Variants in PLCG2 observed in about 807,000 individuals in gnomAD.
PLCG2 encodes 1-phosphatidylinositol 4,5-bisphosphate phosphodiesterase gamma-2.
In PLCG2, 69 loss-of-function variants were observed where a neutral mutation model predicts 175.6. That is an observed-to-expected ratio of 0.39 (90% CI 0.32 to 0.48). PLCG2 has a LOEUF of 0.48. Among genes scored for constraint, PLCG2 ranks in the 20% least tolerant of loss-of-function variants. The probability of loss-of-function intolerance (pLI) is 0.91; values close to 1 mark genes in which losing one functional copy is unlikely to be tolerated. For missense variants in PLCG2, 1,798 were observed against 1,650.9 expected, an observed-to-expected ratio of 1.09 and a Z score of -1.54; for synonymous variants, 827 against 624.0, an observed-to-expected ratio of 1.33 and a Z score of -4.85.
chr16:81,866,281 G>A (rs1402171083), intron 5 of PLCG2, among the ~76,000 whole-genome samples: 1 of 134,096 alleles, frequency 7.5e-6, no homozygotes, highest in Non-Finnish European at 1.6e-5. Context: ...ATGAGAGGAT[G>A]CTAGCCTCTC....
upstream of PLCG2, among the ~76,000 whole-genome samples, chr16:81,776,985 C>G (rs566041070): frequency 2.0e-5 from 3 of 151,522 alleles, no homozygotes; most frequent in African/African-American, 7.3e-5. Context: ...GGTTGGTTAG[C>G]AAAAAATGAG....
intron 1 of PLCG2, among the ~76,000 whole-genome samples, chr16:81,752,536 G>A (rs1909833773): frequency 6.6e-6 from 1 of 152,194 alleles, no homozygotes; most frequent in Non-Finnish European, 1.5e-5. Context: ...CCCCTCGGCT[G>A]AGGGCAGGAG....
chr16:81,779,532 G>A (rs1597313359), intron 1 of PLCG2, 108 bp downstream of exon 1: 1 of 151,954 alleles, frequency 6.6e-6, no homozygotes, highest in East Asian at 1.9e-4. Flanking sequence ...TCCTGGCTCA[G>A]CCGGAGCGGG....
At chr16:81,904,799 G>T (rs1179127574) in intron 14 of PLCG2, among the ~76,000 whole-genome samples, 1 of 152,206 alleles carries the variant, frequency 6.6e-6, no homozygotes, top group Non-Finnish European at 1.5e-5. Context: ...ACAAACACAT[G>T]GTGTGTGTAG....
chr16:81,922,602 A>G (rs1910103974), intron 21 of PLCG2, among the ~76,000 whole-genome samples: 1 of 152,202 alleles, frequency 6.6e-6, no homozygotes, highest in Non-Finnish European at 1.5e-5. Context: ...TCAAACTTAT[A>G]TCATTATTCA....
intron 2 of PLCG2, among the ~76,000 whole-genome samples, chr16:81,764,988 C>G (rs779362237): frequency 3.6e-4 from 40 of 109,994 alleles, no homozygotes; most frequent in Admixed American, 7.2e-4. Flanking sequence ...ACTCGGGAGG[C>G]TGAGGTGGGA....
At chr16:81,838,287 A>G (rs919814750) in intron 2 of PLCG2, among the ~76,000 whole-genome samples, 17 of 152,186 alleles carry the variant, frequency 1.1e-4, no homozygotes, top group Non-Finnish European at 2.2e-4. Context: ...GGGTTTCACC[A>G]TGTTTCCCAG....
chr16:81,833,012 TGAG>T (rs538265497), intron 2 of PLCG2, among the ~76,000 whole-genome samples: 513 of 152,268 alleles, frequency 3.4e-3, no homozygotes, highest in Admixed American at 6.6e-3. Context: ...TGAGATGTGA[TGAG>T]GACCTGGAAA....
chr16:81,939,908 C>T lies in PLCG2; in HGVS notation c.3330C>T (p.Ser1110=). The change falls in exon 30 of 33, where the codon AGC becomes AGT. Residue 1110 remains serine, a synonymous_variant. Transcript: ENST00000564138. ...TCCTTCCAGATGATAATGGCCTCAGCCCTATCTGGGCTCCAACACAGGAGA... is the reference window on the plus strand; with the variant it reads ...TCCTTCCAGATGATAATGGCCTCAGTCCTATCTGGGCTCCAACACAGGAGA... ...KTTVVNDNGL[S]PIWAPTQEKV... The T allele has an allele frequency of 6.2e-7, 1 of 1,613,390 alleles. No homozygotes were observed. The highest frequency in any genetic ancestry group is 8.5e-7 in the Non-Finnish European group (1 of 1,179,328).
intron 2 of PLCG2, among the ~76,000 whole-genome samples, chr16:81,848,852 G>A (rs1055389442): frequency 5.3e-5 from 8 of 152,182 alleles, no homozygotes; most frequent in African/African-American, 1.9e-4. Context: ...ATTTGCCTCT[G>A]TTGAGTGCTG....
chr16:81,747,079 A>G (rs1050945113), intron 1 of PLCG2, among the ~76,000 whole-genome samples: 1 of 152,190 alleles, frequency 6.6e-6, no homozygotes, highest in Non-Finnish European at 1.5e-5. Flanking sequence ...AGCATTCTCA[A>G]ACAGTACTAG....
chr16:81,767,019 T>A (rs996907727), intron 2 of PLCG2: 2 of 152,186 alleles, frequency 1.3e-5, no homozygotes, highest in Non-Finnish European at 2.9e-5. Flanking sequence ...TGAGCCCTGC[T>A]TTCCTTGCTA....
upstream of PLCG2, among the ~76,000 whole-genome samples, chr16:81,774,530 C>A (rs929286424): frequency 6.6e-6 from 1 of 152,120 alleles, no homozygotes; most frequent in East Asian, 1.9e-4. Context: ...CGGCTCGTCG[C>A]CACGGATGTG....
intron 2 of PLCG2, among the ~76,000 whole-genome samples, chr16:81,830,261 A>G (rs925912768): frequency 1.3e-5 from 2 of 152,086 alleles, no homozygotes; most frequent in Admixed American, 1.3e-4. Flanking sequence ...TTGAGGCTGT[A>G]GTGAGCTGTG....
chr16:81,953,278 A>G (rs543175173), intron 31 of PLCG2, among the ~76,000 whole-genome samples: 3 of 152,280 alleles, frequency 2.0e-5, no homozygotes, highest in Non-Finnish European at 4.4e-5. Flanking sequence ...TGAAATATGA[A>G]TAAGATCTGT....
chr16:81,828,391 C>T (rs991182112), intron 2 of PLCG2, among the ~76,000 whole-genome samples: 2 of 151,734 alleles, frequency 1.3e-5, no homozygotes, highest in South Asian at 2.1e-4. Flanking sequence ...GTGCCTGCCA[C>T]CACGCCCGGC....
chr16:81,932,549 A>T (rs1461294380), intron 25 of PLCG2, among the ~76,000 whole-genome samples: 1 of 152,110 alleles, frequency 6.6e-6, no homozygotes, highest in Non-Finnish European at 1.5e-5. Flanking sequence ...GTGCCCTCTG[A>T]CTTCTGGCTA....
At chr16:81,829,178 G>A (rs1006771819) in intron 2 of PLCG2, among the ~76,000 whole-genome samples, 6 of 152,030 alleles carry the variant, frequency 3.9e-5, no homozygotes, top group Non-Finnish European at 7.4e-5. Context: ...GCACGATCTC[G>A]GCTCACTGCA....
At chr16:81,917,405 T>G (rs1163756297) in intron 19 of PLCG2, among the ~76,000 whole-genome samples, 3 of 152,184 alleles carry the variant, frequency 2.0e-5, no homozygotes, top group Non-Finnish European at 2.9e-5. Flanking sequence ...CCTTCAGATA[T>G]ATACCGAGAA....
Sources: gnomAD v4.1 joint callset for allele counts (sites outside exome capture counted in the v4.1 genomes callset) on GRCh38, gnomAD v4.1.1 for gene constraint, MANE v1.5 for transcripts, NCBI Gene and HGNC (gene_info 2026-07-23, HGNC 2026-07-21) for gene names.